The following PATE4 variants were observed in gnomAD, a reference collection of about 807,000 sequenced individuals.
PATE4 encodes the protein prostate and testis expressed 4, also known as prostate and testis expressed protein 4.
PATE4 carries 13 observed loss-of-function variants against 8.5 expected under a neutral mutation model. That is an observed-to-expected ratio of 1.53 (90% CI 1.00 to 2.43). PATE4 has a LOEUF of 2.43. Ranked by LOEUF, PATE4 falls within the 30% of genes most tolerant of loss-of-function variation. PATE4 has a pLI of 0.00. For missense variants in PATE4, 127 were observed against 115.5 expected (o/e 1.10, Z -0.46); for synonymous variants, 47 against 39.3 (o/e 1.20, Z -0.73).
chr11:125,836,788 C>A (rs988776989), intron 1 of PATE4, among the ~76,000 whole-genome samples: 1 of 152,136 alleles, frequency 6.6e-6, no homozygotes, highest in Non-Finnish European at 1.5e-5. Flanking sequence ...ATTCCCAGCA[C>A]CTAAAAAAAT....
chr11:125,837,826 C>T (rs560737954), intron 1 of PATE4, 42 bp from the exon 2 acceptor site: 2 of 1,437,106 alleles, frequency 1.4e-6, no homozygotes, highest in Non-Finnish European at 1.9e-6. Flanking sequence ...TTTCCATTGT[C>T]CCACAATCCA....
chr11:125,837,806 A>C, intron 1 of PATE4, 62 bp from the exon 2 acceptor site: 1 of 1,237,554 alleles, frequency 8.1e-7, no homozygotes, highest in Non-Finnish European at 1.1e-6. Flanking sequence ...ACTGATGCTG[A>C]AAACTCACTT....
In PATE4 at chr11:125,839,358, T is replaced by C. The variant is rs1304615565; in HGVS notation, c.*931T>C. 3 of 152,174 alleles carry C rather than the reference T, an allele frequency of 2.0e-5. No individual in the cohort carries two copies. Among genetic ancestry groups the C allele is most frequent in the Non-Finnish European group, 4.4e-5 (3 of 68,048 alleles). 9.4% of individuals were successfully genotyped at this position (152,174 alleles called of 1,614,324 possible). A position where few individuals can be genotyped will look rare whatever the true frequency, so the allele number is the denominator to read the frequency against. On this transcript the variant is annotated 3_prime_UTR_variant, in exon 3 of 3. Transcript: ENST00000457514. ...TGCTATGAATAAATGTGGAGATCAATTTGTGGATTTTAAACTTCATGACAT... is the reference window on the plus strand; with the variant it reads ...TGCTATGAATAAATGTGGAGATCAACTTGTGGATTTTAAACTTCATGACAT...
At chr11:125,838,156 A>G in intron 2 of PATE4, 150 bp from the exon 3 acceptor site, 3 of 1,049,386 alleles carry the variant, frequency 2.9e-6, no homozygotes. Context: ...TTTAGTATCC[A>G]GAGCCAGTTA....
Position 125,840,014 on chromosome 11 carries a change from T to G in PATE4, c.*1587T>G, listed in dbSNP as rs1943950288. The G allele has an allele frequency of 6.6e-6, 1 of 152,212 alleles. No individual in the cohort carries two copies. The highest frequency in any genetic ancestry group is 1.5e-5 in the Non-Finnish European group (1 of 68,040). The allele number at this position is 152,212 out of a possible 1,614,324, so 9.4% of individuals were successfully genotyped here. A position where few individuals can be genotyped will look rare whatever the true frequency, so the allele number is the denominator to read the frequency against. Reference sequence around the variant, plus strand: ...GTTTTTATATTCAGTCTTTAACCTATGTGAAGCCACCTTTGTAATACTGCC... The same window carrying G: ...GTTTTTATATTCAGTCTTTAACCTAGGTGAAGCCACCTTTGTAATACTGCC... On this transcript the variant is annotated 3_prime_UTR_variant, in exon 3 of 3. Coordinates refer to ENST00000457514, the MANE Select transcript of PATE4 (RefSeq NM_001144874.1).
At chr11:125,834,689 TATAG>T (rs1389273310) in intron 1 of PATE4, among the ~76,000 whole-genome samples, 2 of 152,194 alleles carry the variant, frequency 1.3e-5, no homozygotes, top group Non-Finnish European at 1.5e-5. Context: ...GAAATTATCT[TATAG>T]ATATACTCCC....
intron 1 of PATE4, 90 bp from the exon 2 acceptor site, chr11:125,837,778 G>C: frequency 1.2e-6 from 1 of 833,882 alleles, no homozygotes; most frequent in Non-Finnish European, 1.9e-6. Context: ...GGACAGTATC[G>C]TCAATATGCA....
chr11:125,833,418 G>A lies in PATE4; in HGVS notation c.58+1G>A, dbSNP rs911441857. The A allele has an allele frequency of 1.9e-6, 3 of 1,551,346 alleles. No individual in the cohort carries two copies. Among genetic ancestry groups the A allele is most frequent in the Admixed American group, 2.0e-5 (1 of 51,002 alleles). Reference sequence around the variant, plus strand: ...TTATCTTTTCTCTACCTCAAAGAGGGTAAGTTTGAACAATGGGGGTGGAGG... The same window carrying A: ...TTATCTTTTCTCTACCTCAAAGAGGATAAGTTTGAACAATGGGGGTGGAGG... On this transcript the variant is annotated splice_donor_variant, in intron 1 of 2. Coordinates refer to ENST00000457514, the MANE Select transcript of PATE4 (RefSeq NM_001144874.1). LOFTEE classifies it high-confidence loss of function.
At chr11:125,836,839 T>A (rs1943923410) in intron 1 of PATE4, among the ~76,000 whole-genome samples, 1 of 152,130 alleles carries the variant, frequency 6.6e-6, no homozygotes, top group Non-Finnish European at 1.5e-5. Context: ...GCAACTAACA[T>A]CATCCTTTCC....
At chr11:125,838,242 GT>G in intron 2 of PATE4, 63 bp from the exon 3 acceptor site, 1 of 1,463,124 alleles carries the variant, frequency 6.8e-7, no homozygotes. Context: ...TTGGTGGTGA[GT>G]TTTAGTAAGT....
In PATE4 at chr11:125,836,389, G is replaced by A. The variant is rs552778832; in HGVS notation, c.59-1479G>A. 2.0e-5 allele frequency among the ~76,000 whole-genome samples: 3 copies of A among 152,198 alleles called. No homozygotes were observed. The South Asian group carries it at 6.2e-4, about 32-fold the overall frequency. ...AACCATACTCATGTCTTTGGCCTAGGAGGGCTCAGGAAGTTGAATCTCTGC... is the reference window on the plus strand; with the variant it reads ...AACCATACTCATGTCTTTGGCCTAGAAGGGCTCAGGAAGTTGAATCTCTGC... On this transcript the variant is annotated intron_variant, in intron 1 of 2. Coordinates refer to ENST00000457514, the MANE Select transcript of PATE4 (RefSeq NM_001144874.1).
In PATE4 at chr11:125,833,430, A is replaced by G; in HGVS notation, c.58+13A>G. 6.4e-7 allele frequency: 1 copy of G among 1,550,620 alleles called. No homozygotes were observed. Among genetic ancestry groups the G allele is most frequent in the Non-Finnish European group, 8.7e-7 (1 of 1,146,096 alleles). On this transcript the variant is annotated intron_variant, in intron 1 of 2. Coordinates refer to ENST00000457514, the MANE Select transcript of PATE4 (RefSeq NM_001144874.1). Reference sequence around the variant, plus strand: ...TACCTCAAAGAGGGTAAGTTTGAACAATGGGGGTGGAGGGAGGCAACTTAG... The same window carrying G: ...TACCTCAAAGAGGGTAAGTTTGAACGATGGGGGTGGAGGGAGGCAACTTAG...
intron 1 of PATE4, chr11:125,835,571 T>A (rs1031419057): frequency 6.6e-6 from 1 of 152,138 alleles, no homozygotes; most frequent in Non-Finnish European, 1.5e-5. Flanking sequence ...AATACACCAC[T>A]CACGATACAG....
At position 125,839,860 on chromosome 11, in the gene PATE4, G is replaced by T. The variant is rs1393728865; in HGVS notation, c.*1433G>T. 6.6e-6 allele frequency: 1 copy of T among 152,170 alleles called. No homozygotes were observed. Among genetic ancestry groups the T allele is most frequent in the African/African-American group, 2.4e-5 (1 of 41,428 alleles). 9.4% of individuals were successfully genotyped at this position (152,170 alleles called of 1,614,324 possible). A position where few individuals can be genotyped will look rare whatever the true frequency, so the allele number is the denominator to read the frequency against. Reference sequence around the variant, plus strand: ...AAGATGAAATTTGGGTGGGGACACAGCCAAACCATATCAGTCCCCTTCTTA... The same window carrying T: ...AAGATGAAATTTGGGTGGGGACACATCCAAACCATATCAGTCCCCTTCTTA... On this transcript the variant is annotated 3_prime_UTR_variant, in exon 3 of 3. Coordinates refer to ENST00000457514, the MANE Select transcript of PATE4 (RefSeq NM_001144874.1).
rs1450074219 is a variant in PATE4, at chr11:125,837,909, T to C, written c.100T>C (p.Trp34Arg). 5 of 1,551,564 alleles carry C rather than the reference T, an allele frequency of 3.2e-6. No homozygotes were observed. Among genetic ancestry groups the C allele is most frequent in the South Asian group, 2.4e-5 (2 of 84,052 alleles). Residue 34 changes from tryptophan to arginine, a missense_variant, in exon 2 of 3, where the codon TGG (tryptophan) becomes CGG (arginine). Coordinates refer to ENST00000457514, the MANE Select transcript of PATE4 (RefSeq NM_001144874.1). The part of the protein sequence containing the change: ...KCNTCIYTEG[W>R]KCMAGRGTCI... ...TAATACCTGCATATACACAGAAGGATGGAAGTGTATGGCAGGCCGAGGCAC... is the reference window on the plus strand; with the variant it reads ...TAATACCTGCATATACACAGAAGGACGGAAGTGTATGGCAGGCCGAGGCAC...
Position 125,838,422 on chromosome 11 carries a change from T to C in PATE4, c.292T>C (p.Phe98Leu). The C allele has an allele frequency of 6.5e-7, 1 of 1,544,408 alleles. No homozygotes were observed. Among genetic ancestry groups the C allele is most frequent in the South Asian group, 1.2e-5 (1 of 82,640 alleles). The stretch of plus-strand genomic sequence containing the variant: ...CTGTGACAGAAACTTCTGTAATGTC[T>C]TCTAATGGAGCTTAGGAACTTGCAG... Reference protein sequence around the residue: ...LCCDRNFCNVF With the variant: ...LCCDRNFCNVL The change falls in exon 3 of 3, where the codon TTC becomes CTC. Residue 98 changes from phenylalanine (F) to leucine (L), a missense_variant. Coordinates refer to ENST00000457514, the MANE Select transcript of PATE4 (RefSeq NM_001144874.1).
At position 125,838,342 on chromosome 11, in the gene PATE4, A is replaced by G. The variant is rs748032060; in HGVS notation, c.212A>G (p.Tyr71Cys). 1.7e-5 allele frequency: 27 copies of G among 1,551,164 alleles called. No individual in the cohort carries two copies. In the African/African-American group the frequency reaches 2.2e-4, roughly 13 times the overall value. The change falls in exon 3 of 3, where the codon TAT (tyrosine) becomes TGT (cysteine). Residue 71 changes from tyrosine to cysteine, a missense_variant. Transcript: ENST00000457514. ...KHMYSTHMCK[Y>C]KCREEESSKR... ...ATGTACTCAACACATATGTGTAAGT[A>G]TAAGTGCCGGGAAGAGGAGTCCTCC...
chr11:125,838,857 C>T lies in PATE4; in HGVS notation c.*430C>T, dbSNP rs1200347336. On this transcript the variant is annotated 3_prime_UTR_variant, in exon 3 of 3. Coordinates refer to ENST00000457514, the MANE Select transcript of PATE4 (RefSeq NM_001144874.1). ...GGGGGCCCTAAGTGGAATCAAAATGCAAAATGCAATAAGATGCAAGTAAAG... is the reference window on the plus strand; with the variant it reads ...GGGGGCCCTAAGTGGAATCAAAATGTAAAATGCAATAAGATGCAAGTAAAG... 7.0e-5 allele frequency: 11 copies of T among 156,122 alleles called. 1 individual carries two copies. Among genetic ancestry groups the T allele is most frequent in the Non-Finnish European group, 8.4e-5 (6 of 71,104 alleles). 9.7% of individuals were successfully genotyped at this position (156,122 alleles called of 1,614,324 possible).
intron 1 of PATE4, among the ~76,000 whole-genome samples, chr11:125,834,766 C>T (rs1360192203): frequency 6.6e-6 from 1 of 152,080 alleles, no homozygotes; most frequent in African/African-American, 2.4e-5. Context: ...GTGCAAATAA[C>T]TTAAATTCTC....
Sources: allele counts gnomAD v4.1 joint callset (sites outside exome capture counted in the v4.1 genomes callset), GRCh38; gene constraint gnomAD v4.1.1; transcripts MANE v1.5; gene names NCBI Gene and HGNC (gene_info 2026-07-23, HGNC 2026-07-21).